The following GALNTL6 variants were observed in gnomAD, a reference collection of about 807,000 sequenced individuals.
GALNTL6 encodes the protein polypeptide N-acetylgalactosaminyltransferase-like 6.
GALNTL6 carries 46 observed loss-of-function variants against 73.7 expected under a neutral mutation model. The observed-to-expected ratio is 0.62, with a 90% CI of 0.49 to 0.80. GALNTL6 has a LOEUF of 0.80. Among genes scored for constraint, GALNTL6 ranks in the 30% least tolerant of loss-of-function variants. The probability of loss-of-function intolerance (pLI) is 0.00; values close to 1 mark genes in which losing one functional copy is unlikely to be tolerated. For synonymous variants in GALNTL6, 259 were observed against 263.7 expected (o/e 0.98, Z 0.17); for missense variants, 604 against 755.0 (o/e 0.80, Z 2.34).
intron 10 of GALNTL6, among the ~76,000 whole-genome samples, chr4:172,961,440 A>T (rs75685312): frequency 0.09 from 13,618 of 152,156 alleles, 782 homozygotes; most frequent in Non-Finnish European, 0.13. Context: ...GAAAAGCGGT[A>T]CTTGCTGCTA....
At chr4:172,922,539 A>C in intron 8 of GALNTL6, among the ~76,000 whole-genome samples, 1 of 152,160 alleles carries the variant, frequency 6.6e-6, no homozygotes, top group East Asian at 1.9e-4. Context: ...GTGCATAGTG[A>C]TATCCAGGGG....
intron 5 of GALNTL6, among the ~76,000 whole-genome samples, chr4:172,448,331 A>G (rs1207898198): frequency 6.6e-6 from 1 of 152,134 alleles, no homozygotes; most frequent in Non-Finnish European, 1.5e-5. Flanking sequence ...AATCATTTTA[A>G]TGCTTATTTT....
chr4:173,030,094 C>T (rs1291521349), intron 12 of GALNTL6, among the ~76,000 whole-genome samples: 4 of 152,192 alleles, frequency 2.6e-5, no homozygotes, highest in Admixed American at 2.6e-4. Context: ...AAACATCTTG[C>T]TGAAAACCAG....
chr4:172,974,147 C>G (rs530874450), intron 10 of GALNTL6, among the ~76,000 whole-genome samples: 3 of 152,282 alleles, frequency 2.0e-5, no homozygotes, highest in Admixed American at 6.5e-5. Context: ...TATTGAAATA[C>G]ATCACCATAT....
At chr4:172,217,273 T>C (rs898698011) in intron 2 of GALNTL6, among the ~76,000 whole-genome samples, 10 of 152,154 alleles carry the variant, frequency 6.6e-5, no homozygotes, top group African/African-American at 2.4e-4. Flanking sequence ...TTTCAAAATG[T>C]AGGGTAAAAT....
chr4:172,962,960 C>T (rs553789253), intron 10 of GALNTL6, among the ~76,000 whole-genome samples: 13 of 152,240 alleles, frequency 8.5e-5, no homozygotes, highest in South Asian at 2.1e-4. Flanking sequence ...AAACTGGAGA[C>T]GAGGCCACCA....
intron 5 of GALNTL6, among the ~76,000 whole-genome samples, chr4:172,549,901 A>G (rs1191456040): frequency 6.6e-6 from 1 of 152,208 alleles, no homozygotes; most frequent in Non-Finnish European, 1.5e-5. Context: ...ATTTTTAAAT[A>G]AAAACAATGC....
chr4:172,182,109 C>G (rs1056637625), intron 2 of GALNTL6, among the ~76,000 whole-genome samples: 1 of 152,120 alleles, frequency 6.6e-6, no homozygotes, highest in Non-Finnish European at 1.5e-5. Context: ...TTTCTATACA[C>G]CAGTAATAGA....
chr4:172,700,499 A>G (rs754054563), intron 5 of GALNTL6, among the ~76,000 whole-genome samples: 1 of 152,130 alleles, frequency 6.6e-6, no homozygotes, highest in Non-Finnish European at 1.5e-5. Context: ...CCAGCTTTTT[A>G]CTGAAGGTAG....
intron 2 of GALNTL6, among the ~76,000 whole-genome samples, chr4:172,218,624 C>G (rs2110942599): frequency 6.6e-6 from 1 of 152,152 alleles, no homozygotes. Flanking sequence ...TCTCAGTTTT[C>G]TAATGGGTCC....
intron 5 of GALNTL6, among the ~76,000 whole-genome samples, chr4:172,601,010 T>C (rs7664781): frequency 0.66 from 100,454 of 151,644 alleles, 33,869 homozygotes; most frequent in East Asian, 0.99. Context: ...AAACCAGAAA[T>C]GATTGGAAGA....
chr4:172,766,686 A>C (rs543848556), intron 5 of GALNTL6, among the ~76,000 whole-genome samples: 18 of 152,198 alleles, frequency 1.2e-4, no homozygotes, highest in Non-Finnish European at 1.8e-4. Context: ...GTAAAGTCTC[A>C]AAAGAAGTTT....
intron 5 of GALNTL6, among the ~76,000 whole-genome samples, chr4:172,662,869 G>C (rs1300573631): frequency 6.6e-6 from 1 of 152,192 alleles, no homozygotes; most frequent in Non-Finnish European, 1.5e-5. Context: ...GGATGATAAG[G>C]CTCTTTCAAA....
Position 172,846,796 on chromosome 4 carries a change from T to G in GALNTL6, c.923+33073T>G, listed in dbSNP as rs375507234. Reference sequence around the variant, plus strand: ...GGCACTACTGATGAACAGGAAAGTTTAAATCTTAATATGTCTGATAAATTT... The same window carrying G: ...GGCACTACTGATGAACAGGAAAGTTGAAATCTTAATATGTCTGATAAATTT... On this transcript the variant is annotated intron_variant, in intron 7 of 12. Transcript: ENST00000506823. 6.9e-4 allele frequency among the ~76,000 whole-genome samples: 105 copies of G among 152,344 alleles called. 6 individuals are homozygous for G. In the South Asian group the frequency reaches 0.022, roughly 31 times the overall value.
intron 4 of GALNTL6, among the ~76,000 whole-genome samples, chr4:172,329,529 A>G (rs2111178482): frequency 6.6e-6 from 1 of 152,070 alleles, no homozygotes; most frequent in South Asian, 2.1e-4. Flanking sequence ...TCATCCCAGA[A>G]AAGTATGAAC....
At chr4:171,903,441 T>C (rs1737168218) in intron 2 of GALNTL6, among the ~76,000 whole-genome samples, 1 of 152,054 alleles carries the variant, frequency 6.6e-6, no homozygotes, top group South Asian at 2.1e-4. Context: ...CCGAAGGGCT[T>C]AAAAAACGGC....
intron 5 of GALNTL6, among the ~76,000 whole-genome samples, chr4:172,789,435 G>T (rs553432278): frequency 6.6e-6 from 1 of 151,984 alleles, no homozygotes; most frequent in Non-Finnish European, 1.5e-5. Context: ...TTTTTAGCTC[G>T]TCAGCTATCG....
chr4:172,804,504 A>T (rs965035192), intron 5 of GALNTL6, among the ~76,000 whole-genome samples: 9 of 152,166 alleles, frequency 5.9e-5, no homozygotes, highest in Non-Finnish European at 1.3e-4. Context: ...TCTCCTTGAG[A>T]TGTAAATTAG....
At chr4:172,323,766 T>C (rs1239381132) in intron 4 of GALNTL6, among the ~76,000 whole-genome samples, 1 of 152,130 alleles carries the variant, frequency 6.6e-6, no homozygotes, top group East Asian at 1.9e-4. Flanking sequence ...ACAAGGCTTT[T>C]AGTAGACTAG....
Sources: gnomAD v4.1 joint callset for allele counts (sites outside exome capture counted in the v4.1 genomes callset) on GRCh38, gnomAD v4.1.1 for gene constraint, MANE v1.5 for transcripts, NCBI Gene and HGNC (gene_info 2026-07-23, HGNC 2026-07-21) for gene names.